The following GPR89A variants were observed in gnomAD, a reference collection of about 807,000 sequenced individuals.
GPR89A encodes G protein-coupled receptor 89A.
GPR89A carries 16 observed loss-of-function variants against 52.0 expected under a neutral mutation model. The ratio of observed to expected loss-of-function variants is 0.31; its 90% confidence interval spans 0.21 to 0.47. GPR89A has a LOEUF of 0.47. Among genes scored for constraint, GPR89A ranks in the 20% least tolerant of loss-of-function variants. The probability of loss-of-function intolerance (pLI) is 1.00; values close to 1 mark genes in which losing one functional copy is unlikely to be tolerated. For synonymous variants in GPR89A, 55 were observed against 150.9 expected, an observed-to-expected ratio of 0.36 and a Z score of 4.66; for missense variants, 135 against 449.4, an observed-to-expected ratio of 0.30 and a Z score of 6.33.
At chr1:145,654,436 C>T (rs1335462792) in intron 10 of GPR89A, among the ~76,000 whole-genome samples, 2 of 151,184 alleles carry the variant, frequency 1.3e-5, no homozygotes, top group Non-Finnish European at 2.9e-5. Flanking sequence ...GCCTGTAGTC[C>T]TAGCTACTCG....
intron 10 of GPR89A, among the ~76,000 whole-genome samples, chr1:145,658,558 AGTT>A (rs1345908038): frequency 6.8e-6 from 1 of 147,768 alleles, no homozygotes; most frequent in Non-Finnish European, 1.5e-5. Flanking sequence ...GAGCCTGGGA[AGTT>A]GAAGCTGCAG....
At chr1:145,645,776 C>G (rs1188852280) in intron 8 of GPR89A, 1 of 437,362 alleles carries the variant, frequency 2.3e-6, no homozygotes, top group Non-Finnish European at 4.5e-6. Context: ...TATATTAGAA[C>G]ACAGTAAAGT....
chr1:145,646,595 G>A lies in GPR89A; in HGVS notation c.816+323G>A, dbSNP rs587600294. 73 of 370,770 alleles carry A rather than the reference G, an allele frequency of 2.0e-4. No individual in the cohort carries two copies. The Middle Eastern group carries it at 4.0e-3, about 20-fold the overall frequency. 23.0% of individuals were successfully genotyped at this position (370,770 alleles called of 1,614,324 possible). On this transcript the variant is annotated intron_variant, in intron 9 of 13. Coordinates refer to ENST00000313835, the MANE Select transcript of GPR89A (RefSeq NM_001097612.2). ...GCTACTTTTATTCCTTTATAAGTTA[G>A]TAATATTATAAGAGCAGTAGACACC... is the stretch of plus-strand genomic sequence containing the variant.
intron 1 of GPR89A, among the ~76,000 whole-genome samples, chr1:145,614,769 C>A (rs1648543878): frequency 6.6e-6 from 1 of 152,092 alleles, no homozygotes; most frequent in African/African-American, 2.4e-5. Context: ...GCAGAGAGGG[C>A]CTTCCAGGGG....
intron 1 of GPR89A, among the ~76,000 whole-genome samples, chr1:145,610,157 G>C (rs1463031825): frequency 6.6e-6 from 1 of 151,858 alleles, no homozygotes; most frequent in Non-Finnish European, 1.5e-5. Flanking sequence ...TTAATAAAAA[G>C]CACCTCTCTA....
chr1:145,667,855 C>T (rs1312743644), intron 12 of GPR89A, among the ~76,000 whole-genome samples: 1 of 152,114 alleles, frequency 6.6e-6, no homozygotes, highest in Non-Finnish European at 1.5e-5. Context: ...TTGTTTTTGT[C>T]AGGTTTGTCA....
At chr1:145,637,203 A>G (rs1218501563) in intron 7 of GPR89A, among the ~76,000 whole-genome samples, 1 of 150,980 alleles carries the variant, frequency 6.6e-6, no homozygotes, top group Non-Finnish European at 1.5e-5. Context: ...GATGACAGAA[A>G]GTGAAAGCTT....
intron 10 of GPR89A, among the ~76,000 whole-genome samples, chr1:145,656,211 A>G (rs1312626760): frequency 2.0e-5 from 3 of 152,010 alleles, no homozygotes; most frequent in Admixed American, 1.3e-4. Flanking sequence ...GGCAATCTCC[A>G]GCCTGCTGCT....
intron 9 of GPR89A, chr1:145,646,641 G>A: frequency 3.9e-6 from 1 of 259,550 alleles, no homozygotes; most frequent in Non-Finnish European, 7.3e-6. Context: ...GGATGGCCTA[G>A]CCCTATTTTA....
rs782327824 is a variant in GPR89A at position 145,669,614 on chromosome 1, T to A, written c.1096-11T>A. The A allele has an allele frequency of 1.9e-6, 3 of 1,611,006 alleles. No homozygotes were observed. The East Asian group carries it at 6.7e-5, about 36-fold the overall frequency. ...ACTACTGCATAAATTCATCTCCCTC[T>A]TTCTTGACAGTTCTTTTATGCCATC... On this transcript the variant is annotated splice_polypyrimidine_tract_variant and intron_variant, in intron 12 of 13. Coordinates refer to ENST00000313835, the MANE Select transcript of GPR89A (RefSeq NM_001097612.2).
chr1:145,632,207 TTAAC>T lies in GPR89A; in HGVS notation c.617+464_617+467del, dbSNP rs368149822. ...AAGTGGAATAATTAAATCAAGCTAA[TTAAC>T]ATATCTATCACCTCACATGTTTATT... On this transcript the variant is annotated intron_variant, in intron 7 of 13. Coordinates refer to ENST00000313835, the MANE Select transcript of GPR89A (RefSeq NM_001097612.2). Among the ~76,000 whole-genome samples the T allele has an allele frequency of 4.9e-3, 749 of 152,328 alleles. 8 individuals are homozygous for T. The highest frequency in any genetic ancestry group is 0.017 in the African/African-American group (705 of 41,582).
intron 10 of GPR89A, among the ~76,000 whole-genome samples, chr1:145,660,225 G>A (rs1410238020): frequency 1.3e-5 from 2 of 152,106 alleles, no homozygotes; most frequent in Admixed American, 1.3e-4. Flanking sequence ...TTAATAAATG[G>A]TGCTGGGAAA....
Position 145,608,083 on chromosome 1 carries a change from G to A in GPR89A, c.-51G>A, listed in dbSNP as rs782790304. 9.9e-6 allele frequency: 16 copies of A among 1,611,000 alleles called. No homozygotes were observed. The South Asian group carries it at 1.8e-4, about 18-fold the overall frequency. On this transcript the variant is annotated 5_prime_UTR_variant, in exon 1 of 14. The change creates a new upstream start codon in the 5' untranslated region. Transcript: ENST00000313835. ...AGGGGGCCTGTGGCCCCAGCGTGCT[G>A]TGGCCTCGGGGAGTGGGAAGTGGAG...
rs1184130780 is a variant in GPR89A at position 145,636,450 on chromosome 1, A to G, written c.617+4706A>G. ...GAGGGCCATAGTGAGATGACATACA[A>G]GAAAAGTAACATTTGTTATGTACAA... On this transcript the variant is annotated intron_variant, in intron 7 of 13. Coordinates refer to ENST00000313835, the MANE Select transcript of GPR89A (RefSeq NM_001097612.2). 2.7e-5 allele frequency among the ~76,000 whole-genome samples: 4 copies of G among 150,022 alleles called. No homozygotes were observed. The East Asian group carries it at 5.8e-4, about 22-fold the overall frequency.
Position 145,623,174 on chromosome 1 carries a change from C to T in GPR89A, c.313+14C>T, listed in dbSNP as rs1553688439. On this transcript the variant is annotated intron_variant, in intron 4 of 13. Transcript: ENST00000313835. ...ATATCCGACTACGTAAGTATTTTAC[C>T]CTCTCAGTCAGCATATAGATTGAGA... 1 of 1,612,862 alleles carries T rather than the reference C, an allele frequency of 6.2e-7. No homozygotes were observed. Among genetic ancestry groups the T allele is most frequent in the African/African-American group, 1.3e-5 (1 of 74,960 alleles).
intron 10 of GPR89A, among the ~76,000 whole-genome samples, chr1:145,654,006 T>A (rs1180193156): frequency 6.6e-6 from 1 of 152,202 alleles, no homozygotes; most frequent in Non-Finnish European, 1.5e-5. Flanking sequence ...CCTGTCATCA[T>A]GATGCTAGCT....
At chr1:145,613,611 C>G (rs587649352) in intron 1 of GPR89A, among the ~76,000 whole-genome samples, 1 of 151,176 alleles carries the variant, frequency 6.6e-6, no homozygotes, top group African/African-American at 2.4e-5. Context: ...CCTGTCTAGC[C>G]TCATTTTTAA....
intron 7 of GPR89A, among the ~76,000 whole-genome samples, chr1:145,637,010 CTG>C (rs1650288615): frequency 6.6e-6 from 1 of 152,190 alleles, no homozygotes. Context: ...TCCCAAATCT[CTG>C]TGTCATCATT....
rs782203291 is a variant in GPR89A at position 145,663,354 on chromosome 1, G to A, written c.935G>A (p.Arg312Gln). 44 of 1,610,364 alleles carry A rather than the reference G, an allele frequency of 2.7e-5. No individual in the cohort carries two copies. The highest frequency in any genetic ancestry group is 1.7e-4 in the South Asian group (15 of 90,896). ...FMATINIVFD[R>Q]VGKTDPVTRG... ...GCTACCATCAATATTGTTTTTGATC[G>A]AGTTGGGAAAACGGATCCTGTCACA... Residue 312 changes from arginine (R) to glutamine (Q), a missense_variant, in exon 11 of 14, where the codon CGA becomes CAA. Transcript: ENST00000313835.
Sources: gnomAD v4.1 joint callset for allele counts (sites outside exome capture counted in the v4.1 genomes callset) on GRCh38, gnomAD v4.1.1 for gene constraint, MANE v1.5 for transcripts, NCBI Gene and HGNC (gene_info 2026-07-23, HGNC 2026-07-21) for gene names.